The following TBC1D19 variants were observed in gnomAD, a reference collection of about 807,000 sequenced individuals.
The protein encoded by TBC1D19 is TBC1 domain family member 19, also known as TBC1 domain family, member 19.
In TBC1D19, 60 loss-of-function variants were observed where a neutral mutation model predicts 89.0. That is an observed-to-expected ratio of 0.67 (90% CI 0.55 to 0.84). TBC1D19 has a LOEUF of 0.84. TBC1D19 is among the 40% of genes least tolerant of loss of function. The pLI is 0.00. For synonymous variants in TBC1D19, 189 were observed against 199.7 expected, an observed-to-expected ratio of 0.95 and a Z score of 0.45; for missense variants, 500 against 610.8, an observed-to-expected ratio of 0.82 and a Z score of 1.91.
the TBC1D19 span, among the ~76,000 whole-genome samples, chr4:26,850,421 G>A: frequency 6.6e-6 from 1 of 151,274 alleles, no homozygotes; most frequent in Non-Finnish European, 1.5e-5. Context: ...GGTGGCACAC[G>A]CCTGTAGTCC....
chr4:26,756,414 T>C (rs1719264015), downstream of TBC1D19, among the ~76,000 whole-genome samples: 1 of 152,176 alleles, frequency 6.6e-6, no homozygotes, highest in Non-Finnish European at 1.5e-5. Context: ...TAGGAGAATA[T>C]GCATTAGCTT....
chr4:26,637,294 A>C lies in TBC1D19; in HGVS notation c.369+9A>C, dbSNP rs1297998128. ...TCCCACTGGCACGAAAGGTACTTTT[A>C]AACATTTTTCTGTTTAAGTATTTCA... On this transcript the variant is annotated intron_variant, in intron 5 of 20. Transcript: ENST00000264866. 1 of 1,604,438 alleles carries C rather than the reference A, an allele frequency of 6.2e-7. No individual in the cohort carries two copies. Among genetic ancestry groups the C allele is most frequent in the Non-Finnish European group, 8.5e-7 (1 of 1,174,064 alleles).
upstream of TBC1D19, chr4:26,576,681 C>T: frequency 2.2e-6 from 1 of 455,340 alleles, no homozygotes; most frequent in South Asian, 1.6e-5. Context: ...GAGTCCAATT[C>T]AGCAGAGAAT....
intron 11 of TBC1D19, among the ~76,000 whole-genome samples, chr4:26,681,634 A>G (rs1210031081): frequency 6.6e-6 from 1 of 152,182 alleles, no homozygotes; most frequent in Non-Finnish European, 1.5e-5. Flanking sequence ...CATAGTGCCT[A>G]AGGATATTTA....
intron 1 of TBC1D19, among the ~76,000 whole-genome samples, chr4:26,599,950 CAAAAAAAAAAAAA>C (rs36092049): frequency 1.4e-5 from 1 of 72,782 alleles, no homozygotes; most frequent in Non-Finnish European, 2.4e-5. Context: ...TCTGTCTCTC[CAAAAAAAAAAAAA>C]AAAAAAAAAA....
intron 1 of TBC1D19, among the ~76,000 whole-genome samples, chr4:26,590,050 C>A (rs538111939): frequency 6.6e-6 from 1 of 152,240 alleles, no homozygotes; most frequent in East Asian, 1.9e-4. Context: ...TATTCCAAAC[C>A]GACACACTAG....
chr4:26,853,654 C>T, the TBC1D19 span, among the ~76,000 whole-genome samples: 1 of 152,114 alleles, frequency 6.6e-6, no homozygotes, highest in Non-Finnish European at 1.5e-5. Flanking sequence ...TCTCCTGGCT[C>T]AGCCTCCTCA....
chr4:26,768,032 GA>G, the TBC1D19 span, among the ~76,000 whole-genome samples: 254 of 152,260 alleles, frequency 1.7e-3, no homozygotes, highest in African/African-American at 5.9e-3. Context: ...CAGAGTACCA[GA>G]GAGGAGAGAG....
chr4:26,579,381 C>A (rs1739027710), upstream of TBC1D19, among the ~76,000 whole-genome samples: 1 of 152,086 alleles, frequency 6.6e-6, no homozygotes, highest in Non-Finnish European at 1.5e-5. Flanking sequence ...AAGCTTCAGG[C>A]AGTAAGATTT....
chr4:26,741,783 A>T (rs1718391997), intron 17 of TBC1D19, among the ~76,000 whole-genome samples: 1 of 152,246 alleles, frequency 6.6e-6, no homozygotes. Flanking sequence ...ATAAACTCTG[A>T]GGAATGCTAA....
chr4:26,837,005 C>G, the TBC1D19 span, among the ~76,000 whole-genome samples: 577 of 152,302 alleles, frequency 3.8e-3, 3 homozygotes, highest in African/African-American at 0.013. Flanking sequence ...CCCATATTGC[C>G]TTGAAGACAG....
intron 18 of TBC1D19, among the ~76,000 whole-genome samples, chr4:26,747,796 G>C (rs1398016620): frequency 6.6e-6 from 1 of 152,126 alleles, no homozygotes; most frequent in African/African-American, 2.4e-5. Flanking sequence ...AATTGTTTTA[G>C]CAAAATGGAA....
chr4:26,603,445 A>T (rs1740764441), intron 1 of TBC1D19, among the ~76,000 whole-genome samples: 1 of 152,208 alleles, frequency 6.6e-6, no homozygotes, highest in Non-Finnish European at 1.5e-5. Flanking sequence ...CATCAAAACT[A>T]ATCTTTAGGA....
chr4:26,800,314 A>G, the TBC1D19 span, among the ~76,000 whole-genome samples: 4 of 152,012 alleles, frequency 2.6e-5, no homozygotes, highest in Admixed American at 6.6e-5. Flanking sequence ...TTTCATCCAT[A>G]TCCCTACAAA....
chr4:26,853,335 C>A, the TBC1D19 span, among the ~76,000 whole-genome samples: 1 of 152,182 alleles, frequency 6.6e-6, no homozygotes, highest in African/African-American at 2.4e-5. Flanking sequence ...TATCTCCCCC[C>A]TTCCAGCTCC....
rs1260823527 is a variant in TBC1D19 at position 26,756,202 on chromosome 4, A to C, written c.*1255A>C. ...CCATGATTGATTCTTAATAAACCCC[A>C]TTTTATTGCTTTTGAAGGTGATGCA... On this transcript the variant is annotated 3_prime_UTR_variant, in exon 21 of 21. Transcript: ENST00000264866. Among the ~76,000 whole-genome samples the C allele has an allele frequency of 6.6e-6, 1 of 152,168 alleles. No individual in the cohort carries two copies. Among genetic ancestry groups the C allele is most frequent in the African/African-American group, 2.4e-5 (1 of 41,454 alleles).
chr4:26,763,280 G>A, the TBC1D19 span, among the ~76,000 whole-genome samples: 3,228 of 152,220 alleles, frequency 0.021, 46 homozygotes, highest in Non-Finnish European at 0.034. Context: ...ATAAAGGGAA[G>A]TGGGAGTCAG....
At chr4:26,604,667 A>C (rs1394470984) in intron 1 of TBC1D19, among the ~76,000 whole-genome samples, 4 of 150,552 alleles carry the variant, frequency 2.7e-5, no homozygotes, top group Admixed American at 2.7e-4. Context: ...CGAGGTTGGG[A>C]GATCGAGACC....
chr4:26,656,062 T>C (rs776850544), intron 7 of TBC1D19, among the ~76,000 whole-genome samples: 14 of 152,160 alleles, frequency 9.2e-5, no homozygotes, highest in Non-Finnish European at 1.9e-4. Context: ...TCTAGAGTTT[T>C]ACTTAAAAAT....
Sources: gnomAD v4.1 joint callset for allele counts (sites outside exome capture counted in the v4.1 genomes callset) on GRCh38, gnomAD v4.1.1 for gene constraint, MANE v1.5 for transcripts, NCBI Gene and HGNC (gene_info 2026-07-23, HGNC 2026-07-21) for gene names.